Variants in PTPRD observed in about 807,000 individuals in gnomAD.
PTPRD encodes receptor-type tyrosine-protein phosphatase delta.
In PTPRD, 34 loss-of-function variants were observed where a neutral mutation model predicts 214.5. The ratio of observed to expected loss-of-function variants is 0.16; its 90% CI spans 0.12 to 0.21. The LOEUF (loss-of-function observed/expected upper bound fraction) is 0.21, where lower values mean the gene tolerates loss of function less well. Ranked by LOEUF, PTPRD falls within the 10% of genes least tolerant of loss-of-function variation. The pLI is 1.00. For missense variants in PTPRD, 2,545 were observed against 2,398.7 expected, an observed-to-expected ratio of 1.06 and a Z score of -1.27; for synonymous variants, 1,128 against 845.7, an observed-to-expected ratio of 1.33 and a Z score of -5.79.
At chr9:9,584,716 C>T (rs1359706120) in intron 7 of PTPRD, among the ~76,000 whole-genome samples, 1 of 151,872 alleles carries the variant, frequency 6.6e-6, no homozygotes, top group African/African-American at 2.4e-5. Context: ...CTTTTCAGTC[C>T]TGAATTACCA....
intron 9 of PTPRD, among the ~76,000 whole-genome samples, chr9:9,323,571 T>C (rs1382894877): frequency 1.3e-5 from 2 of 152,168 alleles, no homozygotes; most frequent in African/African-American, 2.4e-5. Flanking sequence ...GAGTATCTGA[T>C]ACCAATTCGA....
At chr9:9,669,723 T>C (rs2096791309) in intron 7 of PTPRD, among the ~76,000 whole-genome samples, 1 of 152,164 alleles carries the variant, frequency 6.6e-6, no homozygotes, top group African/African-American at 2.4e-5. Context: ...ACTTCATTGT[T>C]CTTCAACATC....
At chr9:8,835,735 T>C (rs1455743546) in intron 11 of PTPRD, among the ~76,000 whole-genome samples, 3 of 152,018 alleles carry the variant, frequency 2.0e-5, no homozygotes, top group Admixed American at 2.0e-4. Context: ...CGAGGGTCTC[T>C]CTATGCTGCC....
intron 8 of PTPRD, among the ~76,000 whole-genome samples, chr9:9,445,700 A>G (rs1270649591): frequency 2.0e-5 from 3 of 152,148 alleles, no homozygotes; most frequent in South Asian, 2.1e-4. Flanking sequence ...AAATGCCCCC[A>G]TGATTCAGTT....
Position 8,364,155 on chromosome 9 carries a change from G to T in PTPRD, c.4661+11781C>A, listed in dbSNP as rs1327957225. Among the ~76,000 whole-genome samples, 5 of 152,208 alleles carry T rather than the reference G, an allele frequency of 3.3e-5. No homozygotes were observed. The East Asian group carries it at 7.7e-4, about 23-fold the overall frequency. Reference sequence around the variant, plus strand: ...CAGATGGCATGGTCAGAAGCAAAGGGTTTGCAAGTGCAAGAAATAGCACAA... The same window carrying T: ...CAGATGGCATGGTCAGAAGCAAAGGTTTTGCAAGTGCAAGAAATAGCACAA... On this transcript the variant is annotated intron_variant, in intron 39 of 45. Coordinates refer to ENST00000381196, the MANE Select transcript of PTPRD (RefSeq NM_002839.4).
intron 12 of PTPRD, among the ~76,000 whole-genome samples, chr9:8,647,265 T>C (rs2154340798): frequency 6.6e-6 from 1 of 152,362 alleles, no homozygotes; most frequent in African/African-American, 2.4e-5. Context: ...TTAAGTAAAA[T>C]GACTTTACTC....
At chr9:9,653,759 T>C (rs1376306721) in intron 7 of PTPRD, among the ~76,000 whole-genome samples, 2 of 152,244 alleles carry the variant, frequency 1.3e-5, no homozygotes, top group African/African-American at 4.8e-5. Context: ...CTTGATACAC[T>C]TATAAAGCTC....
rs535098072 is a variant in PTPRD at position 8,472,926 on chromosome 9, G to C, written c.3414-1841C>G. On this transcript the variant is annotated intron_variant, in intron 30 of 45. Coordinates refer to ENST00000381196, the MANE Select transcript of PTPRD (RefSeq NM_002839.4). ...GAATCTGTTATATATTCTGAAATAC[G>C]TGAGTAAAAAATACCAGGCTGTGAT... Among the ~76,000 whole-genome samples, 5 of 152,170 alleles carry C rather than the reference G, an allele frequency of 3.3e-5. No homozygotes were observed. The East Asian group carries it at 7.8e-4, about 24-fold the overall frequency.
At chr9:10,356,608 C>G (rs1177305835) in intron 2 of PTPRD, among the ~76,000 whole-genome samples, 1 of 152,146 alleles carries the variant, frequency 6.6e-6, no homozygotes, top group Non-Finnish European at 1.5e-5. Context: ...TACCTTAAAT[C>G]TTATTTTTTC....
chr9:9,836,002 A>G (rs1264046890), intron 5 of PTPRD, among the ~76,000 whole-genome samples: 2 of 152,300 alleles, frequency 1.3e-5, no homozygotes, highest in East Asian at 1.9e-4. Context: ...GACTATAAAA[A>G]GAGGCTAATT....
chr9:8,566,934 T>G (rs571784047), intron 14 of PTPRD, among the ~76,000 whole-genome samples: 86 of 152,266 alleles, frequency 5.6e-4, no homozygotes, highest in African/African-American at 2.0e-3. Flanking sequence ...ACTTCATTCT[T>G]GATTTGGGGT....
chr9:8,744,348 G>A (rs923375984), intron 11 of PTPRD, among the ~76,000 whole-genome samples: 10 of 152,088 alleles, frequency 6.6e-5, no homozygotes, highest in Non-Finnish European at 1.0e-4. Flanking sequence ...ACTTGCACAC[G>A]CATGTATACA....
At chr9:10,272,617 T>C (rs773099948) in intron 3 of PTPRD, among the ~76,000 whole-genome samples, 4 of 152,196 alleles carry the variant, frequency 2.6e-5, no homozygotes, top group Non-Finnish European at 4.4e-5. Context: ...GTTTCATGCC[T>C]GTGAAATTTG....
At chr9:8,819,709 T>A (rs974291251) in intron 11 of PTPRD, among the ~76,000 whole-genome samples, 2 of 152,180 alleles carry the variant, frequency 1.3e-5, no homozygotes, top group Non-Finnish European at 2.9e-5. Context: ...ACTTTCTACA[T>A]TACATTTTAG....
chr9:8,951,307 C>T (rs908028241), intron 11 of PTPRD, among the ~76,000 whole-genome samples: 1 of 146,542 alleles, frequency 6.8e-6, no homozygotes, highest in African/African-American at 2.5e-5. Flanking sequence ...AATTATTTCT[C>T]TGCTGGATCC....
chr9:9,840,587 G>A (rs2058049440), intron 5 of PTPRD, among the ~76,000 whole-genome samples: 1 of 151,620 alleles, frequency 6.6e-6, no homozygotes, highest in African/African-American at 2.4e-5. Context: ...AAACAAAATA[G>A]TGAATCGGAA....
At chr9:8,738,398 A>G (rs4742534) in intron 11 of PTPRD, among the ~76,000 whole-genome samples, 5,697 of 151,762 alleles carry the variant, frequency 0.038, 154 homozygotes, top group African/African-American at 0.079. Context: ...ATTTGTGTCT[A>G]AATACTGTAT....
intron 2 of PTPRD, among the ~76,000 whole-genome samples, chr9:10,352,329 A>G (rs535504978): frequency 5.3e-5 from 8 of 152,138 alleles, no homozygotes; most frequent in African/African-American, 1.7e-4. Context: ...ACTTGACTCA[A>G]TATTAGTACA....
chr9:9,678,909 C>T (rs1412880030), intron 7 of PTPRD, among the ~76,000 whole-genome samples: 1 of 151,748 alleles, frequency 6.6e-6, no homozygotes, highest in Non-Finnish European at 1.5e-5. Context: ...AAAAATCACT[C>T]TAAAACTCAT....
Sources: gnomAD v4.1 joint callset for allele counts (sites outside exome capture counted in the v4.1 genomes callset) on GRCh38, gnomAD v4.1.1 for gene constraint, MANE v1.5 for transcripts, NCBI Gene and HGNC (gene_info 2026-07-23, HGNC 2026-07-21) for gene names.